RERGL: variants seen among roughly 807,000 people sequenced by gnomAD.
RERGL encodes the protein ras-related and estrogen-regulated growth inhibitor-like protein.
RERGL carries 22 observed loss-of-function variants against 24.7 expected under a neutral mutation model. The ratio of observed to expected loss-of-function variants is 0.89; its 90% CI spans 0.64 to 1.27. The LOEUF is 1.27. Ranked by LOEUF, RERGL falls within the 50% of genes most tolerant of loss-of-function variation. The pLI, the probability that RERGL is intolerant of heterozygous loss-of-function variation, is 0.00. For synonymous variants in RERGL, 76 were observed against 82.6 expected (o/e 0.92, Z 0.43); for missense variants, 259 against 235.3 (o/e 1.10, Z -0.66).
intron 2 of RERGL, among the ~76,000 whole-genome samples, chr12:18,088,090 G>A (rs1375735577): frequency 5.3e-5 from 8 of 151,938 alleles, no homozygotes; most frequent in Admixed American, 5.2e-4. Flanking sequence ...ATTCCTCTTA[G>A]TCTAAATAAC....
In RERGL at chr12:18,081,528, A is replaced by T. The variant is rs74067994; in HGVS notation, c.333-55T>A. The T allele has an allele frequency of 3.8e-3, 2,159 of 561,152 alleles. 6 individuals carry two copies. Among genetic ancestry groups the T allele is most frequent in the Admixed American group, 0.028 (594 of 21,202 alleles). The allele number at this position is 561,152 out of a possible 1,614,324, so 34.8% of individuals were successfully genotyped here. Reference sequence around the variant, plus strand: ...GATTGTTTTAACAACTCTTTTTTTTAAAAAAAAAAAAAAAACAGATTTATA... The same window carrying T: ...GATTGTTTTAACAACTCTTTTTTTTTAAAAAAAAAAAAAAACAGATTTATA... On this transcript the variant is annotated intron_variant, in intron 4 of 4. Coordinates refer to ENST00000538724, the MANE Select transcript of RERGL (RefSeq NM_001286201.2).
chr12:18,085,617 T>A lies in RERGL; in HGVS notation c.183+3A>T, dbSNP rs1172055560. 1.3e-6 allele frequency: 2 copies of A among 1,532,484 alleles called. No individual in the cohort carries two copies. The highest frequency in any genetic ancestry group is 4.6e-5 in the East Asian group (2 of 43,830). The allele number at this position is 1,532,484 out of a possible 1,614,324, so 94.9% of individuals were successfully genotyped here. On this transcript the variant is annotated splice_donor_region_variant and intron_variant, in intron 3 of 4. Coordinates refer to ENST00000538724, the MANE Select transcript of RERGL (RefSeq NM_001286201.2). The stretch of plus-strand genomic sequence containing the variant: ...AATAAAAAAGGTGTTTTGTTTTACT[T>A]ACTTGAGAACAAGGGTCATATATTT...
chr12:18,085,403 C>A (rs1186722701), intron 3 of RERGL, among the ~76,000 whole-genome samples: 2 of 152,146 alleles, frequency 1.3e-5, no homozygotes, highest in Admixed American at 1.3e-4. Flanking sequence ...GTGATATGAT[C>A]ATTTTCGACA....
At chr12:18,089,272 G>A (rs182687974) in intron 1 of RERGL, 8 of 1,606,754 alleles carry the variant, frequency 5.0e-6, no homozygotes, top group Non-Finnish European at 4.2e-6. Context: ...TGAGATGCAA[G>A]AAGTTTGACA....
At chr12:18,081,521 T>TC in intron 4 of RERGL, 48 bp from the exon 5 acceptor site, 3 of 1,322,692 alleles carry the variant, frequency 2.3e-6, no homozygotes, top group Non-Finnish European at 3.0e-6. Context: ...TAACAACTCT[T>TC]TTTTTTAAAA....
chr12:18,089,640 G>A (rs977381176), intron 1 of RERGL, among the ~76,000 whole-genome samples: 1 of 152,076 alleles, frequency 6.6e-6, no homozygotes, highest in Non-Finnish European at 1.5e-5. Flanking sequence ...CTTCATCTTA[G>A]TAATGCTACA....
chr12:18,084,465 C>T, intron 4 of RERGL, 52 bp downstream of exon 4: 1 of 1,530,612 alleles, frequency 6.5e-7, no homozygotes, highest in Non-Finnish European at 8.8e-7. Context: ...ATGCTTACAG[C>T]TATATGATGA....
rs761096606 is a variant in RERGL, at chr12:18,084,657, T to C, written c.192A>G (p.Lys64=). 5.6e-6 allele frequency: 9 copies of C among 1,608,678 alleles called. No individual in the cohort carries two copies. The highest frequency in any genetic ancestry group is 2.2e-5 in the East Asian group (1 of 44,688). The change falls in exon 4 of 5, where the codon AAA becomes AAG. Residue 64 remains lysine (K), a synonymous_variant. Transcript: ENST00000538724. ...GCTCACTTGTGAGGGAGAATTTTGC[T>C]TTCTGTGTCTGAAAATAAACCAAGT... ...EIYDPCSQTQ[K]AKFSLTSELH... is the part of the protein sequence containing the mutation.
intron 3 of RERGL, 58 bp from the exon 4 acceptor site, chr12:18,084,723 T>A: frequency 6.8e-7 from 1 of 1,477,766 alleles, no homozygotes. Flanking sequence ...GTTTTTATAC[T>A]TTAAACAGTT....
Position 18,085,640 on chromosome 12 carries a change from T to G in RERGL, c.163A>C (p.Ile55Leu). The change falls in exon 3 of 5, where the codon ATA becomes CTA. Residue 55 changes from isoleucine (I) to leucine (L), a missense_variant. Transcript: ENST00000538724. ...CLERKQLNLEIYDPCSQTQKA... is the reference protein window; with the variant it reads ...CLERKQLNLELYDPCSQTQKA... ...CTTACTTGAGAACAAGGGTCATATA[T>G]TTCTAGATTTAGTTGTTTCCTTTCC... 6.3e-7 allele frequency: 1 copy of G among 1,595,064 alleles called. No individual in the cohort carries two copies. Among genetic ancestry groups the G allele is most frequent in the Non-Finnish European group, 8.6e-7 (1 of 1,166,710 alleles).
Position 18,084,502 on chromosome 12 carries a change from T to A in RERGL, c.332+15A>T. 2 of 1,591,630 alleles carry A rather than the reference T, an allele frequency of 1.3e-6. No homozygotes were observed. The highest frequency in any genetic ancestry group is 1.7e-6 in the Non-Finnish European group (2 of 1,172,596). On this transcript the variant is annotated intron_variant, in intron 4 of 4. Transcript: ENST00000538724. The stretch of plus-strand genomic sequence containing the variant: ...TTACTAAAAAGAAAGGAGAAAGGAA[T>A]GAAAAATACCTTACCTTTTACAATG...
chr12:18,083,936 C>G (rs551471658), intron 4 of RERGL, among the ~76,000 whole-genome samples: 3 of 152,208 alleles, frequency 2.0e-5, no homozygotes, highest in African/African-American at 7.2e-5. Flanking sequence ...ACTAATGAAA[C>G]AGTAGCTTAA....
chr12:18,087,240 C>A (rs190037807), intron 2 of RERGL, among the ~76,000 whole-genome samples: 310 of 152,292 alleles, frequency 2.0e-3, no homozygotes, highest in Non-Finnish European at 3.9e-3. Flanking sequence ...GGCCAGATCA[C>A]ATCACTTATC....
At chr12:18,085,583 A>C (rs776802118) in intron 3 of RERGL, 37 bp downstream of exon 3, 24 of 1,295,624 alleles carry the variant, frequency 1.9e-5, no homozygotes, top group Non-Finnish European at 2.5e-5. Context: ...ATCAATCAAT[A>C]AATAAATCAA....
intron 4 of RERGL, among the ~76,000 whole-genome samples, chr12:18,082,921 G>A (rs990077394): frequency 1.6e-4 from 25 of 152,066 alleles, no homozygotes; most frequent in Admixed American, 1.3e-4. Flanking sequence ...TAAAAATAGA[G>A]TTTGAGTTGA....
chr12:18,085,779 C>T lies in RERGL; in HGVS notation c.110-86G>A, dbSNP rs1485698382. 1.4e-5 allele frequency: 10 copies of T among 695,310 alleles called. No homozygotes were observed. In the Admixed American group the frequency reaches 2.1e-4, roughly 15 times the overall value. 43.1% of individuals were successfully genotyped at this position (695,310 alleles called of 1,614,324 possible). On this transcript the variant is annotated intron_variant, in intron 2 of 4. Transcript: ENST00000538724. ...TCAACCACTCACATTTTAGTGGAAT[C>T]GTATTGTGCTCTTTTTATATTGCTG...
intron 2 of RERGL, among the ~76,000 whole-genome samples, chr12:18,087,831 C>T (rs1213222778): frequency 6.6e-6 from 1 of 152,048 alleles, no homozygotes; most frequent in East Asian, 1.9e-4. Context: ...TGACTGATGT[C>T]GTTGCCTTCA....
chr12:18,085,848 C>CTTTT (rs1174192368), intron 2 of RERGL, among the ~76,000 whole-genome samples, 155 bp from the exon 3 acceptor site: 44 of 118,608 alleles, frequency 3.7e-4, no homozygotes, highest in Middle Eastern at 5.0e-3. Flanking sequence ...AGATATGTTT[C>CTTTT]TTTTTTTTTT....
In RERGL at chr12:18,084,788, A is replaced by G. The variant is rs78011300; in HGVS notation, c.184-123T>C. ...ATACATCAATGTGTTAAATATTGAT[A>G]TTTTCTAAAATATAGTTCTGTTTCT... On this transcript the variant is annotated intron_variant, in intron 3 of 4. Coordinates refer to ENST00000538724, the MANE Select transcript of RERGL (RefSeq NM_001286201.2). 5.6e-3 allele frequency: 3,649 copies of G among 656,090 alleles called. 108 individuals are homozygous for G. The African/African-American group carries it at 0.063, about 11-fold the overall frequency. The allele number at this position is 656,090 out of a possible 1,614,324, so 40.6% of individuals were successfully genotyped here. A position where few individuals can be genotyped will look rare whatever the true frequency, so the allele number is the denominator to read the frequency against.
Sources: gnomAD v4.1 joint callset for allele counts (sites outside exome capture counted in the v4.1 genomes callset) on GRCh38, gnomAD v4.1.1 for gene constraint, MANE v1.5 for transcripts, NCBI Gene and HGNC (gene_info 2026-07-23, HGNC 2026-07-21) for gene names.